PSD3: variants seen among roughly 807,000 people sequenced by gnomAD.
The protein encoded by PSD3 is PH and SEC7 domain-containing protein 3.
In PSD3, 49 loss-of-function variants were observed where a neutral mutation model predicts 105.5. The observed-to-expected ratio is 0.46, with a 90% CI of 0.37 to 0.59. The LOEUF (loss-of-function observed/expected upper bound fraction) is 0.59, where lower values mean the gene tolerates loss of function less well. PSD3 is among the 20% of genes least tolerant of loss of function. The pLI is 0.00. For missense variants in PSD3, 1,561 were observed against 1,263.8 expected, an observed-to-expected ratio of 1.24 and a Z score of -3.57; for synonymous variants, 557 against 457.8, an observed-to-expected ratio of 1.22 and a Z score of -2.77.
At chr8:18,773,950 T>C (rs576290305) in intron 8 of PSD3, among the ~76,000 whole-genome samples, 2 of 152,334 alleles carry the variant, frequency 1.3e-5, no homozygotes, top group African/African-American at 4.8e-5. Context: ...TGAACTTATT[T>C]TGTTAAATTT....
chr8:18,569,442 C>T (rs961303394), intron 14 of PSD3, among the ~76,000 whole-genome samples: 9 of 150,628 alleles, frequency 6.0e-5, no homozygotes, highest in Non-Finnish European at 1.0e-4. Context: ...AAATCACAAG[C>T]ATTCTTATAC....
At chr8:18,793,867 A>G (rs987631988) in intron 8 of PSD3, among the ~76,000 whole-genome samples, 2 of 152,238 alleles carry the variant, frequency 1.3e-5, no homozygotes, top group South Asian at 2.1e-4. Context: ...TCTTGAGGAT[A>G]TTAACTCTAT....
intron 2 of PSD3, among the ~76,000 whole-genome samples, chr8:18,913,717 C>G (rs992824255): frequency 3.3e-5 from 5 of 152,146 alleles, no homozygotes; most frequent in African/African-American, 1.2e-4. Context: ...GTCTAAGCAC[C>G]AGGCTGGCCT....
At chr8:18,621,287 A>G (rs914823571) in intron 11 of PSD3, among the ~76,000 whole-genome samples, 2 of 152,182 alleles carry the variant, frequency 1.3e-5, no homozygotes, top group Non-Finnish European at 2.9e-5. Context: ...ACACACCTGT[A>G]GTCCCTGTTA....
chr8:18,806,035 G>A (rs1811166313), intron 4 of PSD3, among the ~76,000 whole-genome samples: 1 of 152,100 alleles, frequency 6.6e-6, no homozygotes. Flanking sequence ...AGACTACCAG[G>A]AACAGAAGTG....
At chr8:18,622,171 C>G (rs1806161514) in intron 11 of PSD3, among the ~76,000 whole-genome samples, 1 of 152,130 alleles carries the variant, frequency 6.6e-6, no homozygotes, top group South Asian at 2.1e-4. Flanking sequence ...TTTAATATTT[C>G]AAATTCAGAA....
intron 1 of PSD3, among the ~76,000 whole-genome samples, chr8:18,942,509 T>A (rs1020551330): frequency 3.3e-5 from 5 of 152,204 alleles, no homozygotes; most frequent in Admixed American, 2.6e-4. Context: ...TATGTTGAAG[T>A]CCTAACCCCC....
At chr8:18,974,076 G>GA (rs1266696799) in intron 1 of PSD3, among the ~76,000 whole-genome samples, 1 of 152,122 alleles carries the variant, frequency 6.6e-6, no homozygotes, top group East Asian at 1.9e-4. Context: ...TTTACCAATA[G>GA]AAAATCACAC....
chr8:18,818,120 A>C (rs1178989549), intron 4 of PSD3, among the ~76,000 whole-genome samples: 3 of 151,794 alleles, frequency 2.0e-5, no homozygotes, highest in Non-Finnish European at 4.4e-5. Flanking sequence ...CGCTTGGCTA[A>C]TTTTTTTCAT....
At chr8:18,685,392 G>C (rs1483665588) in intron 9 of PSD3, among the ~76,000 whole-genome samples, 2 of 151,862 alleles carry the variant, frequency 1.3e-5, no homozygotes, top group Non-Finnish European at 2.9e-5. Context: ...TCATGACAGG[G>C]GCTTTCTTCC....
chr8:19,083,307 G>C (rs772853167), intron 1 of PSD3, among the ~76,000 whole-genome samples: 1 of 152,230 alleles, frequency 6.6e-6, no homozygotes, highest in African/African-American at 2.4e-5. Context: ...CAGTGCACCT[G>C]AGCTGGGTGG....
chr8:18,846,880 A>AT (rs1263150806), intron 4 of PSD3, among the ~76,000 whole-genome samples: 1 of 152,086 alleles, frequency 6.6e-6, no homozygotes, highest in African/African-American at 2.4e-5. Flanking sequence ...CATTTTAAAG[A>AT]TGAGGTCAGC....
At chr8:18,728,016 G>A (rs1803460184) in intron 9 of PSD3, among the ~76,000 whole-genome samples, 1 of 151,746 alleles carries the variant, frequency 6.6e-6, no homozygotes, top group East Asian at 1.9e-4. Flanking sequence ...CCTGAAGACT[G>A]GACCCTTAAA....
intron 2 of PSD3, among the ~76,000 whole-genome samples, chr8:18,877,136 G>A (rs1817778464): frequency 3.9e-5 from 6 of 152,196 alleles, no homozygotes; most frequent in Admixed American, 3.9e-4. Context: ...TTAATTGACA[G>A]TGTCTTCTGA....
chr8:18,821,717 A>ACACACACCC (rs1554513425), intron 4 of PSD3, among the ~76,000 whole-genome samples: 2 of 141,120 alleles, frequency 1.4e-5, no homozygotes, highest in African/African-American at 5.4e-5. Flanking sequence ...ACACACACAC[A>ACACACACCC]CCCCAATAAC....
intron 11 of PSD3, among the ~76,000 whole-genome samples, chr8:18,621,362 C>T (rs376682549): frequency 4.6e-5 from 7 of 152,262 alleles, no homozygotes; most frequent in East Asian, 1.9e-4. Context: ...GAGCTGACAT[C>T]GTGCCACTGC....
chr8:18,842,401 A>G (rs1371654712), intron 4 of PSD3, among the ~76,000 whole-genome samples: 2 of 152,222 alleles, frequency 1.3e-5, no homozygotes, highest in Non-Finnish European at 2.9e-5. Context: ...TCTCTTTGAG[A>G]GCAATCTGGA....
chr8:18,588,176 C>G (rs1330291208), intron 12 of PSD3, among the ~76,000 whole-genome samples: 2 of 152,286 alleles, frequency 1.3e-5, no homozygotes, highest in South Asian at 4.2e-4. Flanking sequence ...AGTGGCATTT[C>G]CAGATGTAGA....
chr8:18,658,910 A>G (rs1809101188), intron 9 of PSD3, among the ~76,000 whole-genome samples: 1 of 152,090 alleles, frequency 6.6e-6, no homozygotes, highest in Non-Finnish European at 1.5e-5. Flanking sequence ...TTTCTCCACT[A>G]CACAAGAAAC....
Sources: gnomAD v4.1 joint callset for allele counts (sites outside exome capture counted in the v4.1 genomes callset) on GRCh38, gnomAD v4.1.1 for gene constraint, MANE v1.5 for transcripts, NCBI Gene and HGNC (gene_info 2026-07-23, HGNC 2026-07-21) for gene names.